The following CEP76 variants were observed in gnomAD, a reference collection of about 807,000 sequenced individuals.
CEP76 encodes the protein centrosomal protein of 76 kDa.
CEP76 carries 55 observed loss-of-function variants against 83.3 expected under a neutral mutation model. The observed-to-expected ratio is 0.66, with a 90% CI of 0.53 to 0.83. The LOEUF (loss-of-function observed/expected upper bound fraction) is 0.83, where lower values mean the gene tolerates loss of function less well. Among genes scored for constraint, CEP76 ranks in the 40% least tolerant of loss-of-function variants. The pLI is 0.00. For synonymous variants in CEP76, 270 were observed against 274.5 expected (o/e 0.98, Z 0.16); for missense variants, 694 against 799.5 (o/e 0.87, Z 1.59).
chr18:12,668,473 C>T (rs1041189480), downstream of CEP76, among the ~76,000 whole-genome samples: 1 of 150,968 alleles, frequency 6.6e-6, no homozygotes, highest in African/African-American at 2.4e-5. Flanking sequence ...TAGTGGTGTG[C>T]ACCTGTGGTC....
At chr18:12,669,967 A>C (rs1280225663), downstream of CEP76, among the ~76,000 whole-genome samples, 2 of 70,534 alleles carry the variant, frequency 2.8e-5, no homozygotes, top group African/African-American at 5.5e-5. Context: ...ATTGCACTCC[A>C]GCCTGGGCAA....
At chr18:12,676,938 A>G (rs545537650) in intron 10 of CEP76, among the ~76,000 whole-genome samples, 26 of 152,294 alleles carry the variant, frequency 1.7e-4, no homozygotes, top group African/African-American at 5.8e-4. Flanking sequence ...AGGGAACCCT[A>G]AAAGGTGAAT....
chr18:12,679,332 A>C (rs1255855523), intron 9 of CEP76: 1 of 152,246 alleles, frequency 6.6e-6, no homozygotes, highest in African/African-American at 2.4e-5. Flanking sequence ...AGCAATTTGC[A>C]GTGGGGAGGA....
At chr18:12,698,362 TTTCG>T (rs2040035114) in intron 4 of CEP76, among the ~76,000 whole-genome samples, 2 of 151,954 alleles carry the variant, frequency 1.3e-5, no homozygotes, top group African/African-American at 2.4e-5. Flanking sequence ...AGAGACAGGG[TTTCG>T]ACATGTTGGC....
chr18:12,674,985 T>G (rs966034221), intron 10 of CEP76, among the ~76,000 whole-genome samples: 1 of 152,132 alleles, frequency 6.6e-6, no homozygotes, highest in Non-Finnish European at 1.5e-5. Context: ...TTCAAAACAA[T>G]GTTCACAAAG....
intron 12 of CEP76, chr18:12,665,026 T>A (rs1371124061): frequency 6.6e-6 from 1 of 152,000 alleles, no homozygotes; most frequent in African/African-American, 2.4e-5. Context: ...GGCCCTTTCC[T>A]GTTGCTCAAA....
Position 12,672,758 on chromosome 18 carries a change from A to G in CEP76, c.*607T>C, listed in dbSNP as rs2038980420. The G allele has an allele frequency of 1.0e-6, 1 of 975,526 alleles. No individual in the cohort carries two copies. Among genetic ancestry groups the G allele is most frequent in the Non-Finnish European group, 1.2e-6 (1 of 820,942 alleles). The allele number at this position is 975,526 out of a possible 1,614,324, so 60.4% of individuals were successfully genotyped here. A position where few individuals can be genotyped will look rare whatever the true frequency, so the allele number is the denominator to read the frequency against. Reference sequence around the variant, plus strand: ...ATTTCTAAATGATTCATGTACTTTCATATGAGGTTATTAATATTTATGCTT... The same window carrying G: ...ATTTCTAAATGATTCATGTACTTTCGTATGAGGTTATTAATATTTATGCTT... On this transcript the variant is annotated 3_prime_UTR_variant, in exon 12 of 12. Coordinates refer to ENST00000262127, the MANE Select transcript of CEP76 (RefSeq NM_024899.4).
At chr18:12,668,734 CTTT>C (rs543253434), downstream of CEP76, among the ~76,000 whole-genome samples, 6 of 96,734 alleles carry the variant, frequency 6.2e-5, no homozygotes, top group East Asian at 9.2e-4. Context: ...CACTTTATTC[CTTT>C]TTTTTTTTTT....
In CEP76 at chr18:12,695,353, TATAAAC is replaced by T. The variant is rs772905210; in HGVS notation, c.707-8_707-3del. 2 of 1,401,898 alleles carry T rather than the reference TATAAAC, an allele frequency of 1.4e-6. No individual in the cohort carries two copies. Among genetic ancestry groups the T allele is most frequent in the African/African-American group, 1.4e-5 (1 of 69,840 alleles). 86.8% of individuals were successfully genotyped at this position (1,401,898 alleles called of 1,614,324 possible). ...CCACAGAAACTTTTGATTCTGTGCC[TATAAAC>T]ATAAATATTTTGAACTTCAGAGATT... On this transcript the variant is annotated splice_polypyrimidine_tract_variant and splice_region_variant and intron_variant, in intron 5 of 11. Coordinates refer to ENST00000262127, the MANE Select transcript of CEP76 (RefSeq NM_024899.4).
rs2038981335 is a variant in CEP76 at position 12,672,817 on chromosome 18, A to G, written c.*548T>C. ...TTAGTTTTTTCCTACTCTTGCTTCAAGGTCCAACCATAAATTTCTGGACAG... is the reference window on the plus strand; with the variant it reads ...TTAGTTTTTTCCTACTCTTGCTTCAGGGTCCAACCATAAATTTCTGGACAG... On this transcript the variant is annotated 3_prime_UTR_variant, in exon 12 of 12. Transcript: ENST00000262127. 1 of 984,018 alleles carries G rather than the reference A, an allele frequency of 1.0e-6. No homozygotes were observed. Among genetic ancestry groups the G allele is most frequent in the South Asian group, 4.7e-5 (1 of 21,264 alleles). 61.0% of individuals were successfully genotyped at this position (984,018 alleles called of 1,614,324 possible).
At chr18:12,693,601 G>A (rs774706840) in intron 6 of CEP76, among the ~76,000 whole-genome samples, 116 of 152,208 alleles carry the variant, frequency 7.6e-4, no homozygotes, top group Non-Finnish European at 1.3e-3. Context: ...TGGCCAACAT[G>A]GTGAAACCCT....
At chr18:12,696,635 G>C (rs2039967860) in intron 5 of CEP76, among the ~76,000 whole-genome samples, 1 of 152,114 alleles carries the variant, frequency 6.6e-6, no homozygotes, top group Non-Finnish European at 1.5e-5. Context: ...GGTAGGTTTT[G>C]TTTTCTCATT....
At chr18:12,671,777 A>G (rs542241346), downstream of CEP76, among the ~76,000 whole-genome samples, 2 of 150,972 alleles carry the variant, frequency 1.3e-5, no homozygotes, top group Admixed American at 1.3e-4. Flanking sequence ...AGTAGCTTGG[A>G]TTATGGGTGT....
At chr18:12,695,871 CA>C (rs2039938065) in intron 5 of CEP76, among the ~76,000 whole-genome samples, 1 of 151,966 alleles carries the variant, frequency 6.6e-6, no homozygotes, top group Non-Finnish European at 1.5e-5. Flanking sequence ...CACACACACA[CA>C]CACACACACA....
chr18:12,678,015 A>G (rs2039206221), intron 10 of CEP76, 94 bp downstream of exon 10: 2 of 921,336 alleles, frequency 2.2e-6, no homozygotes, highest in Non-Finnish European at 3.4e-6. Flanking sequence ...GTTCAGGGCT[A>G]GAATAGTGAC....
intron 6 of CEP76, 45 bp from the exon 7 acceptor site, chr18:12,691,532 T>A (rs1406235796): frequency 3.6e-6 from 5 of 1,406,796 alleles, no homozygotes; most frequent in Non-Finnish European, 4.9e-6. Flanking sequence ...TCATTATCTT[T>A]AATTACTACA....
intron 4 of CEP76, among the ~76,000 whole-genome samples, chr18:12,698,540 T>C (rs2040041408): frequency 6.6e-6 from 1 of 152,194 alleles, no homozygotes; most frequent in African/African-American, 2.4e-5. Flanking sequence ...CTTCAAATGA[T>C]TCTCTCACCT....
chr18:12,693,439 T>TA (rs1017038207), intron 6 of CEP76, among the ~76,000 whole-genome samples: 6 of 150,942 alleles, frequency 4.0e-5, no homozygotes, highest in Admixed American at 1.3e-4. Flanking sequence ...AAAATTTAAT[T>TA]AAAAAAAACA....
downstream of CEP76, among the ~76,000 whole-genome samples, chr18:12,671,790 G>C (rs533191435): frequency 6.6e-6 from 1 of 151,888 alleles, no homozygotes; most frequent in East Asian, 1.9e-4. Context: ...ATGGGTGTGT[G>C]ACACCATGCC....
Sources: allele counts gnomAD v4.1 joint callset (sites outside exome capture counted in the v4.1 genomes callset), GRCh38; gene constraint gnomAD v4.1.1; transcripts MANE v1.5; gene names NCBI Gene and HGNC (gene_info 2026-07-23, HGNC 2026-07-21).